The following POPDC3 variants were observed in gnomAD, a reference collection of about 807,000 sequenced individuals.
POPDC3 encodes popeye domain cAMP effector 3, also known as popeye domain-containing protein 3.
Under a neutral mutation model 28.2 loss-of-function variants are expected in POPDC3, and 20 were observed. The observed-to-expected ratio is 0.71, with a 90% CI of 0.50 to 1.03. The LOEUF (loss-of-function observed/expected upper bound fraction) is 1.03, where lower values mean the gene tolerates loss of function less well. Among genes scored for constraint, POPDC3 ranks in the 50% least tolerant of loss-of-function variants. The probability of loss-of-function intolerance (pLI) is 0.00; values close to 1 mark genes in which losing one functional copy is unlikely to be tolerated. For synonymous variants in POPDC3, 118 were observed against 124.1 expected (o/e 0.95, Z 0.33); for missense variants, 316 against 345.9 (o/e 0.91, Z 0.69).
intron 1 of POPDC3, among the ~76,000 whole-genome samples, chr6:105,174,153 T>A (rs988733876): frequency 3.9e-5 from 6 of 152,238 alleles, no homozygotes. Context: ...GCGATTATCC[T>A]GCCTCACCCT....
Position 105,161,663 on chromosome 6 carries a change from C to T in POPDC3, c.247G>A (p.Val83Ile). 1 of 1,614,134 alleles carries T rather than the reference C, an allele frequency of 6.2e-7. No homozygotes were observed. Among genetic ancestry groups the T allele is most frequent in the Non-Finnish European group, 8.5e-7 (1 of 1,180,040 alleles). Residue 83 changes from valine to isoleucine, a missense_variant, in exon 2 of 4, where the codon GTA becomes ATA. Val to Ile is a conservative substitution (Grantham distance 29). Transcript: ENST00000254765. ...TGCATGAAGCAGATGACAAACAGTA[C>T]AAAATTCCAGGAAAATATGTCAGCT... is the stretch of plus-strand genomic sequence containing the variant. ...CAADIFSWNF[V>I]LFVICFMQFV...
chr6:105,172,360 C>T (rs970420579), intron 1 of POPDC3, among the ~76,000 whole-genome samples: 10 of 151,178 alleles, frequency 6.6e-5, no homozygotes, highest in Non-Finnish European at 1.2e-4. Flanking sequence ...GTTAGAATGG[C>T]AATCATTAAA....
Position 105,158,413 on chromosome 6 carries a change from C to G in POPDC3, c.*57G>C. 2.8e-6 allele frequency: 4 copies of G among 1,422,536 alleles called. No homozygotes were observed. Among genetic ancestry groups the G allele is most frequent in the Non-Finnish European group, 3.8e-6 (4 of 1,058,900 alleles). The allele number at this position is 1,422,536 out of a possible 1,614,324, so 88.1% of individuals were successfully genotyped here. ...TCTTTTTTTGTATTTTGCTATTTCACTGGGGAATGATGAAGAGAGAGTCTT... is the reference window on the plus strand; with the variant it reads ...TCTTTTTTTGTATTTTGCTATTTCAGTGGGGAATGATGAAGAGAGAGTCTT... On this transcript the variant is annotated 3_prime_UTR_variant, in exon 4 of 4. Coordinates refer to ENST00000254765, the MANE Select transcript of POPDC3 (RefSeq NM_022361.5).
chr6:105,165,048 A>T (rs1774429643), intron 1 of POPDC3, among the ~76,000 whole-genome samples: 1 of 152,250 alleles, frequency 6.6e-6, no homozygotes, highest in African/African-American at 2.4e-5. Flanking sequence ...CATCATGTCC[A>T]GCTTACAAAT....
At chr6:105,175,123 C>T (rs1774657562) in intron 1 of POPDC3, among the ~76,000 whole-genome samples, 1 of 151,736 alleles carries the variant, frequency 6.6e-6, no homozygotes, top group African/African-American at 2.4e-5. Flanking sequence ...GCCAACAATG[C>T]TCCACTGCAC....
intron 1 of POPDC3, chr6:105,178,783 C>A: frequency 2.0e-6 from 2 of 984,966 alleles, no homozygotes; most frequent in Non-Finnish European, 2.4e-6. Flanking sequence ...TGTACTCTCA[C>A]AAGAGGATAT....
In POPDC3 at chr6:105,161,661, T is replaced by C. The variant is rs760385641; in HGVS notation, c.249A>G (p.Val83=). 1.9e-6 allele frequency: 3 copies of C among 1,614,054 alleles called. No homozygotes were observed. Among genetic ancestry groups the C allele is most frequent in the Non-Finnish European group, 2.5e-6 (3 of 1,180,022 alleles). ...ATTGCATGAAGCAGATGACAAACAG[T>C]ACAAAATTCCAGGAAAATATGTCAG... ...CAADIFSWNF[V]LFVICFMQFV... Residue 83 remains valine, a synonymous_variant, in exon 2 of 4, where the codon GTA becomes GTG. Coordinates refer to ENST00000254765, the MANE Select transcript of POPDC3 (RefSeq NM_022361.5).
chr6:105,167,937 G>C (rs1436264053), intron 1 of POPDC3, among the ~76,000 whole-genome samples: 1 of 152,178 alleles, frequency 6.6e-6, no homozygotes, highest in African/African-American at 2.4e-5. Flanking sequence ...CTGGTCTAGA[G>C]TCTCTCAAGT....
chr6:105,158,673 G>A lies in POPDC3; in HGVS notation c.673C>T (p.Arg225Cys), dbSNP rs765481307. 25 of 1,613,912 alleles carry A rather than the reference G, an allele frequency of 1.5e-5. No homozygotes were observed. Among genetic ancestry groups the A allele is most frequent in the African/African-American group, 8.0e-5 (6 of 74,910 alleles). ...KKLYLLFAQHRYISRLFSVLI... is the reference protein window; with the variant it reads ...KKLYLLFAQHCYISRLFSVLI... Reference sequence around the variant, plus strand: ...ACTGAAAAAAGGCGGGAGATGTAGCGATGCTGAGCAAAGAGCAGATATAAT... The same window carrying A: ...ACTGAAAAAAGGCGGGAGATGTAGCAATGCTGAGCAAAGAGCAGATATAAT... Residue 225 changes from arginine to cysteine, a missense_variant, in exon 4 of 4, where the codon CGC becomes TGC. Transcript: ENST00000254765.
At chr6:105,166,210 T>C (rs537129269) in intron 1 of POPDC3, among the ~76,000 whole-genome samples, 1 of 152,282 alleles carries the variant, frequency 6.6e-6, no homozygotes, top group Admixed American at 6.5e-5. Flanking sequence ...TAAAATGACA[T>C]GACTCTGTAT....
At chr6:105,170,457 G>A (rs1259878338) in intron 1 of POPDC3, among the ~76,000 whole-genome samples, 2 of 152,180 alleles carry the variant, frequency 1.3e-5, no homozygotes, top group Non-Finnish European at 2.9e-5. Flanking sequence ...ACCCTAACAA[G>A]ATCATGTATG....
intron 1 of POPDC3, among the ~76,000 whole-genome samples, chr6:105,173,188 A>G (rs1457214465): frequency 6.6e-6 from 1 of 152,218 alleles, no homozygotes; most frequent in Non-Finnish European, 1.5e-5. Flanking sequence ...GTGGGTTTCC[A>G]TGCATTACCA....
chr6:105,158,786 G>A (rs745622935), intron 3 of POPDC3, 35 bp from the exon 4 acceptor site: 22 of 1,507,406 alleles, frequency 1.5e-5, no homozygotes, highest in Non-Finnish European at 2.0e-5. Context: ...AACAGATGTG[G>A]AAGCAAGAAA....
At chr6:105,170,951 G>T (rs762775221) in intron 1 of POPDC3, among the ~76,000 whole-genome samples, 4 of 152,192 alleles carry the variant, frequency 2.6e-5, no homozygotes, top group African/African-American at 9.7e-5. Flanking sequence ...GTGAGTTATG[G>T]TGAAGCGGTG....
At chr6:105,171,013 G>A (rs1446204322) in intron 1 of POPDC3, among the ~76,000 whole-genome samples, 1 of 152,196 alleles carries the variant, frequency 6.6e-6, no homozygotes, top group Non-Finnish European at 1.5e-5. Flanking sequence ...CCTAGAATGA[G>A]CATGTTTTTA....
At chr6:105,164,148 C>T (rs1774408931) in intron 1 of POPDC3, among the ~76,000 whole-genome samples, 1 of 152,176 alleles carries the variant, frequency 6.6e-6, no homozygotes, top group South Asian at 2.1e-4. Context: ...CCCACGAAAG[C>T]CAGTTTAAAA....
At chr6:105,169,747 A>G (rs1390927114) in intron 1 of POPDC3, 1 of 152,206 alleles carries the variant, frequency 6.6e-6, no homozygotes, top group Non-Finnish European at 1.5e-5. Context: ...TACTGAGCAG[A>G]TAGTTTTATT....
chr6:105,158,256 C>T lies in POPDC3; in HGVS notation c.*214G>A, dbSNP rs1030775562. ...CAAACTGCCCATAGTTATCCACCCCCTCCCCAATTATAACAATGAGAAATA... is the reference window on the plus strand; with the variant it reads ...CAAACTGCCCATAGTTATCCACCCCTTCCCCAATTATAACAATGAGAAATA... On this transcript the variant is annotated 3_prime_UTR_variant, in exon 4 of 4. Coordinates refer to ENST00000254765, the MANE Select transcript of POPDC3 (RefSeq NM_022361.5). 4 of 497,626 alleles carry T rather than the reference C, an allele frequency of 8.0e-6. No homozygotes were observed. Among genetic ancestry groups the T allele is most frequent in the African/African-American group, 5.8e-5 (3 of 52,020 alleles). The allele number at this position is 497,626 out of a possible 1,614,324, so 30.8% of individuals were successfully genotyped here. A position where few individuals can be genotyped will look rare whatever the true frequency, so the allele number is the denominator to read the frequency against.
At chr6:105,169,816 G>C (rs778136437) in intron 1 of POPDC3, 1 of 152,068 alleles carries the variant, frequency 6.6e-6, no homozygotes, top group Non-Finnish European at 1.5e-5. Flanking sequence ...GGTTGCCTAG[G>C]GAAACACGAA....
Sources: gnomAD v4.1 joint callset for allele counts (sites outside exome capture counted in the v4.1 genomes callset) on GRCh38, gnomAD v4.1.1 for gene constraint, MANE v1.5 for transcripts, NCBI Gene and HGNC (gene_info 2026-07-23, HGNC 2026-07-21) for gene names.